The following NRCAM variants were observed in gnomAD, a reference collection of about 807,000 sequenced individuals.
NRCAM encodes the protein neuronal cell adhesion molecule.
NRCAM carries 83 observed loss-of-function variants against 156.5 expected under a neutral mutation model. The observed-to-expected ratio is 0.53, with a 90% CI of 0.44 to 0.64. The LOEUF is 0.64. NRCAM is among the 30% of genes least tolerant of loss of function. The pLI is 0.00. For missense variants in NRCAM, 1,417 were observed against 1,597.3 expected, an observed-to-expected ratio of 0.89 and a Z score of 1.92; for synonymous variants, 538 against 563.9, an observed-to-expected ratio of 0.95 and a Z score of 0.65.
chr7:108,149,765 G>A lies in NRCAM; in HGVS notation c.*145C>T, dbSNP rs1394551575. 1.9e-5 allele frequency: 13 copies of A among 688,564 alleles called. No individual in the cohort carries two copies. The South Asian group carries it at 2.2e-4, about 11-fold the overall frequency. 42.7% of individuals were successfully genotyped at this position (688,564 alleles called of 1,614,324 possible). On this transcript the variant is annotated 3_prime_UTR_variant, in exon 33 of 33. Coordinates refer to ENST00000379028, the MANE Select transcript of NRCAM (RefSeq NM_001037132.4). The stretch of plus-strand genomic sequence containing the variant: ...TTAACATATCATTTGACTGAGTTAT[G>A]TTTTTGCTGTAACTATTCTCATAAT...
intron 2 of NRCAM, among the ~76,000 whole-genome samples, chr7:108,348,752 A>G (rs1430248333): frequency 6.6e-6 from 1 of 152,084 alleles, no homozygotes; most frequent in East Asian, 1.9e-4. Flanking sequence ...TATCTCCACT[A>G]AAAATACAAA....
chr7:108,218,275 C>T (rs774965031), intron 11 of NRCAM, among the ~76,000 whole-genome samples: 1 of 152,000 alleles, frequency 6.6e-6, no homozygotes, highest in South Asian at 2.1e-4. Flanking sequence ...ACTGTCTAAC[C>T]AGTCCCAATG....
chr7:108,179,684 T>C (rs913414209), intron 25 of NRCAM, among the ~76,000 whole-genome samples: 13 of 152,182 alleles, frequency 8.5e-5, no homozygotes, highest in African/African-American at 2.9e-4. Context: ...ATATCTGCAA[T>C]GACTTTTCCC....
At chr7:108,238,125 AATTT>A (rs1327795100) in intron 4 of NRCAM, among the ~76,000 whole-genome samples, 14 of 152,310 alleles carry the variant, frequency 9.2e-5, no homozygotes, top group Middle Eastern at 3.4e-3. Flanking sequence ...ATCTACAATT[AATTT>A]GAGTTGTCAC....
chr7:108,222,352 C>T (rs917951441), intron 11 of NRCAM, among the ~76,000 whole-genome samples: 28 of 152,324 alleles, frequency 1.8e-4, no homozygotes, highest in African/African-American at 6.7e-4. Flanking sequence ...GGTCTTACAA[C>T]ACTCCAAAGT....
intron 1 of NRCAM, among the ~76,000 whole-genome samples, chr7:108,424,783 T>C (rs1686681483): frequency 6.6e-6 from 1 of 151,280 alleles, no homozygotes; most frequent in South Asian, 2.1e-4. Context: ...CAAATCTGCA[T>C]GTTATTTTTG....
intron 1 of NRCAM, among the ~76,000 whole-genome samples, chr7:108,427,533 C>T (rs573887453): frequency 1.3e-5 from 2 of 152,296 alleles, no homozygotes; most frequent in Non-Finnish European, 2.9e-5. Context: ...TGGAGAGACA[C>T]TTTTATGAAG....
intron 3 of NRCAM, among the ~76,000 whole-genome samples, chr7:108,261,330 G>C (rs1789773150): frequency 6.6e-6 from 1 of 152,124 alleles, no homozygotes; most frequent in African/African-American, 2.4e-5. Context: ...TTTGTTTTCA[G>C]CATATATCAC....
chr7:108,389,166 C>T (rs975737676), intron 2 of NRCAM, among the ~76,000 whole-genome samples: 33 of 152,226 alleles, frequency 2.2e-4, no homozygotes, highest in African/African-American at 6.7e-4. Flanking sequence ...GCCATTTTCA[C>T]GATATTGATT....
chr7:108,267,915 T>C (rs929948516), intron 3 of NRCAM, among the ~76,000 whole-genome samples: 17 of 152,222 alleles, frequency 1.1e-4, no homozygotes, highest in Non-Finnish European at 2.4e-4. Flanking sequence ...GCAAAAATAT[T>C]ATCTGTTTAA....
chr7:108,272,149 G>A (rs1233811435), intron 3 of NRCAM, among the ~76,000 whole-genome samples: 1 of 152,152 alleles, frequency 6.6e-6, no homozygotes, highest in African/African-American at 2.4e-5. Flanking sequence ...ACTCAAGAAG[G>A]CATTTATGCC....
intron 1 of NRCAM, among the ~76,000 whole-genome samples, chr7:108,448,983 G>A (rs879796981): frequency 8.5e-5 from 13 of 152,138 alleles, no homozygotes; most frequent in Non-Finnish European, 1.2e-4. Context: ...GGGGAAAGCC[G>A]CAGAACAGTC....
Position 108,234,650 on chromosome 7 carries a change from C to A in NRCAM, c.163G>T (p.Asp55Tyr). ...TTCTCCCGAGGGTCAATAATGTAAT[C>A]TTTTGGAGACTGTTGGGTGATGGTT... ...PPTITQQSPK[D>Y]YIIDPRENIV... Residue 55 changes from aspartate to tyrosine, a missense_variant, in exon 6 of 33, where the codon GAT becomes TAT. Transcript: ENST00000379028. 5 of 1,612,422 alleles carry A rather than the reference C, an allele frequency of 3.1e-6. No individual in the cohort carries two copies. The highest frequency in any genetic ancestry group is 3.4e-6 in the Non-Finnish European group (4 of 1,179,198).
In NRCAM at chr7:108,426,590, T is replaced by A. The variant is rs528878378; in HGVS notation, c.-331-26997A>T. ...TCTAAGATGGGGGTGAAAAACCAGC[T>A]ACATTGATCAGAGAAGGCCCTGACT... On this transcript the variant is annotated intron_variant, in intron 1 of 32. Coordinates refer to ENST00000379028, the MANE Select transcript of NRCAM (RefSeq NM_001037132.4). 1.0e-3 allele frequency among the ~76,000 whole-genome samples: 154 copies of A among 152,304 alleles called. 3 individuals are homozygous for A. The highest frequency in any genetic ancestry group is 3.7e-3 in the African/African-American group (152 of 41,562).
chr7:108,292,805 T>C (rs1156969799), intron 3 of NRCAM, among the ~76,000 whole-genome samples: 1 of 152,132 alleles, frequency 6.6e-6, no homozygotes, highest in Non-Finnish European at 1.5e-5. Context: ...AGAGAAAGCA[T>C]TAGGAAAAAA....
At chr7:108,220,247 C>T (rs2091713767) in intron 11 of NRCAM, among the ~76,000 whole-genome samples, 1 of 152,126 alleles carries the variant, frequency 6.6e-6, no homozygotes, top group Admixed American at 6.6e-5. Context: ...AGAGTAGAAT[C>T]AATATTGTGA....
At chr7:108,307,695 C>CAAAAATG (rs1563199244) in intron 3 of NRCAM, among the ~76,000 whole-genome samples, 1 of 150,934 alleles carries the variant, frequency 6.6e-6, no homozygotes, top group African/African-American at 2.4e-5. Context: ...AAAAAAAAAC[C>CAAAAATG]CAAGCATCTA....
intron 1 of NRCAM, among the ~76,000 whole-genome samples, chr7:108,407,980 T>A (rs558630824): frequency 1.3e-5 from 2 of 152,364 alleles, no homozygotes; most frequent in East Asian, 3.9e-4. Flanking sequence ...AGCCAAGAAC[T>A]ATTAATCTAA....
At position 108,194,366 on chromosome 7, in the gene NRCAM, G is replaced by T. The variant is rs137985570; in HGVS notation, c.1526C>A (p.Thr509Asn). 14 of 1,613,206 alleles carry T rather than the reference G, an allele frequency of 8.7e-6. No individual in the cohort carries two copies. Among genetic ancestry groups the T allele is most frequent in the Non-Finnish European group, 2.5e-6 (3 of 1,179,386 alleles). Residue 509 changes from threonine (T) to asparagine (N), a missense_variant, in exon 16 of 33, where the codon ACT becomes AAT. Physicochemically the swap from Thr to Asn is moderately conservative, Grantham distance 65 (BLOSUM62 0). Coordinates refer to ENST00000379028, the MANE Select transcript of NRCAM (RefSeq NM_001037132.4). The stretch of plus-strand genomic sequence containing the variant: ...CTTTTGGGCCACAGGAATTTCCAAA[G>T]TTCCATTTTCATGTAAAACATAAAT... Reference protein sequence around the residue: ...EDIYVLHENGTLEIPVAQKDS... With the variant: ...EDIYVLHENGNLEIPVAQKDS...
Sources: allele counts gnomAD v4.1 joint callset (sites outside exome capture counted in the v4.1 genomes callset), GRCh38; gene constraint gnomAD v4.1.1; transcripts MANE v1.5; gene names NCBI Gene and HGNC (gene_info 2026-07-23, HGNC 2026-07-21).